The following CCDC7 variants were observed in gnomAD, a reference collection of about 807,000 sequenced individuals.
The protein encoded by CCDC7 is coiled-coil domain-containing protein 7.
CCDC7 carries 183 observed loss-of-function variants against 196.9 expected under a neutral mutation model. That is an observed-to-expected ratio of 0.93 (90% CI 0.82 to 1.05). The LOEUF (loss-of-function observed/expected upper bound fraction) is 1.05, where lower values mean the gene tolerates loss of function less well. Among genes scored for constraint, CCDC7 ranks in the 50% least tolerant of loss-of-function variants. CCDC7 has a pLI of 0.00. For missense variants in CCDC7, 1,540 were observed against 1,482.2 expected, an observed-to-expected ratio of 1.04 and a Z score of -0.64; for synonymous variants, 525 against 484.6, an observed-to-expected ratio of 1.08 and a Z score of -1.10.
intron 13 of CCDC7, among the ~76,000 whole-genome samples, chr10:32,545,478 A>T (rs1396988625): frequency 6.6e-6 from 1 of 152,188 alleles, no homozygotes; most frequent in Non-Finnish European, 1.5e-5. Context: ...TGAGTGTTAC[A>T]TGGTTTGGGA....
At chr10:32,643,006 C>T (rs1017980013) in intron 20 of CCDC7, among the ~76,000 whole-genome samples, 15 of 152,264 alleles carry the variant, frequency 9.9e-5, no homozygotes, top group African/African-American at 3.6e-4. Context: ...ATGTGTATCA[C>T]GTTAGGACTG....
intron 20 of CCDC7, among the ~76,000 whole-genome samples, chr10:32,644,943 A>G (rs1416067591): frequency 1.3e-5 from 2 of 152,036 alleles, no homozygotes; most frequent in Non-Finnish European, 2.9e-5. Context: ...AGCCAATTAA[A>G]CCTCTTTTCT....
chr10:32,484,620 A>T (rs1252348997), intron 8 of CCDC7, among the ~76,000 whole-genome samples: 37 of 152,172 alleles, frequency 2.4e-4, no homozygotes. Context: ...TCAGTATGAT[A>T]TTGGCCGTGG....
At chr10:32,749,922 T>C (rs2075399756) in intron 28 of CCDC7, among the ~76,000 whole-genome samples, 1 of 152,174 alleles carries the variant, frequency 6.6e-6, no homozygotes, top group South Asian at 2.1e-4. Context: ...AGTGTATCTC[T>C]CACAATTTCC....
intron 13 of CCDC7, among the ~76,000 whole-genome samples, chr10:32,564,747 A>G (rs1049825864): frequency 1.3e-5 from 2 of 152,086 alleles, no homozygotes; most frequent in Admixed American, 6.6e-5. Context: ...GCACATGTAT[A>G]CATATGTAAC....
Position 32,474,028 on chromosome 10 carries a change from G to C in CCDC7, c.796+5G>C, listed in dbSNP as rs1406278299. 2 of 1,610,432 alleles carry C rather than the reference G, an allele frequency of 1.2e-6. No individual in the cohort carries two copies. The highest frequency in any genetic ancestry group is 1.7e-6 in the Non-Finnish European group (2 of 1,178,532). ...ATGTTTCTGCAACAGAACCACGTAAGTTTCCACTCATTAAAGCATTATTGT... is the reference window on the plus strand; with the variant it reads ...ATGTTTCTGCAACAGAACCACGTAACTTTCCACTCATTAAAGCATTATTGT... On this transcript the variant is annotated splice_donor_5th_base_variant and intron_variant, in intron 8 of 41. Transcript: ENST00000639629.
chr10:32,650,007 T>A (rs1591111813), intron 20 of CCDC7, among the ~76,000 whole-genome samples: 2 of 152,238 alleles, frequency 1.3e-5, no homozygotes, highest in Non-Finnish European at 2.9e-5. Context: ...TCCATGTCTG[T>A]CATTTCAGAC....
chr10:32,566,558 A>G (rs2056820140), intron 14 of CCDC7, among the ~76,000 whole-genome samples: 1 of 152,144 alleles, frequency 6.6e-6, no homozygotes, highest in South Asian at 2.1e-4. Context: ...CTATGACATT[A>G]TTTAATGAAA....
intron 8 of CCDC7, among the ~76,000 whole-genome samples, 185 bp downstream of exon 9, chr10:32,474,208 T>A (rs955980042): frequency 7.8e-5 from 8 of 102,128 alleles, no homozygotes; most frequent in East Asian, 2.9e-4. Context: ...TGAAACTAGA[T>A]TCTTTTTTTT....
At chr10:32,632,903 G>A (rs999354485) in intron 18 of CCDC7, among the ~76,000 whole-genome samples, 19 of 152,126 alleles carry the variant, frequency 1.2e-4, no homozygotes, top group Admixed American at 7.2e-4. Context: ...AGAGCAACAC[G>A]TATTTGTCTG....
At chr10:32,776,750 T>C (rs1402125403) in intron 28 of CCDC7, among the ~76,000 whole-genome samples, 1 of 152,240 alleles carries the variant, frequency 6.6e-6, no homozygotes, top group Non-Finnish European at 1.5e-5. Context: ...TTGTATTCAA[T>C]TGAATAATTA....
intron 9 of CCDC7, among the ~76,000 whole-genome samples, chr10:32,516,197 G>A (rs1184896988): frequency 2.6e-5 from 4 of 151,822 alleles, no homozygotes; most frequent in South Asian, 4.1e-4. Context: ...TTAAAAATAG[G>A]CAAAGGATCT....
chr10:32,734,970 TG>T (rs1260613827), intron 28 of CCDC7, among the ~76,000 whole-genome samples: 1 of 152,136 alleles, frequency 6.6e-6, no homozygotes, highest in Non-Finnish European at 1.5e-5. Context: ...AAATGCATTT[TG>T]TTTTAATGTT....
At chr10:32,854,428 A>G in exon 41 of CCDC7, 1 of 1,608,190 alleles carries the variant, frequency 6.2e-7, no homozygotes, top group Non-Finnish European at 8.5e-7. Context: ...CCTTAAGCCA[A>G]AAAACTATTG....
intron 24 of CCDC7, among the ~76,000 whole-genome samples, chr10:32,706,083 A>G (rs11813105): frequency 0.053 from 8,088 of 152,194 alleles, 727 homozygotes; most frequent in African/African-American, 0.18. Context: ...AGCACTCCTC[A>G]GCAAATGTAA....
intron 21 of CCDC7, among the ~76,000 whole-genome samples, chr10:32,684,810 C>T (rs1254819079): frequency 2.0e-5 from 3 of 152,086 alleles, no homozygotes; most frequent in Non-Finnish European, 2.9e-5. Context: ...ATGTGTGTAC[C>T]GTCTCTTCTC....
intron 26 of CCDC7, 37 bp downstream of exon 27, chr10:32,726,869 T>A: frequency 8.2e-7 from 1 of 1,216,750 alleles, no homozygotes. Context: ...TAAATTATTT[T>A]AAAATTAAAC....
intron 28 of CCDC7, among the ~76,000 whole-genome samples, chr10:32,748,139 C>T (rs988784965): frequency 6.6e-6 from 1 of 152,140 alleles, no homozygotes; most frequent in Admixed American, 6.5e-5. Context: ...CATGTTCTCA[C>T]TTATAAGTGG....
At chr10:32,686,117 T>C (rs1275615059) in intron 22 of CCDC7, 37 bp downstream of exon 23, 2 of 1,039,070 alleles carry the variant, frequency 1.9e-6, no homozygotes, top group Non-Finnish European at 2.8e-6. Flanking sequence ...TACATTATTT[T>C]AAATTAGTCA....
Sources: gnomAD v4.1 joint callset for allele counts (sites outside exome capture counted in the v4.1 genomes callset) on GRCh38, gnomAD v4.1.1 for gene constraint, MANE v1.5 for transcripts, NCBI Gene and HGNC (gene_info 2026-07-23, HGNC 2026-07-21) for gene names.